The following DDX28 variants were observed in gnomAD, a reference collection of about 807,000 sequenced individuals.
DDX28 encodes the protein DEAD-box helicase 28.
Under a neutral mutation model 26.8 loss-of-function variants are expected in DDX28, and 25 were observed. The observed-to-expected ratio is 0.93, with a 90% confidence interval of 0.68 to 1.30. The LOEUF is 1.30. Among genes scored for constraint, DDX28 ranks in the 50% most tolerant of loss-of-function variants. The pLI is 0.00. For synonymous variants in DDX28, 370 were observed against 311.9 expected (o/e 1.19, Z -1.96); for missense variants, 790 against 695.1 (o/e 1.14, Z -1.53).
chr16:68,021,921 G>A lies in DDX28; in HGVS notation c.1282C>T (p.Gln428Ter), dbSNP rs1200616090. The A allele has an allele frequency of 1.2e-6, 2 of 1,614,194 alleles. No individual in the cohort carries two copies. Among genetic ancestry groups the A allele is most frequent in the South Asian group, 1.1e-5 (1 of 91,084 alleles). The change falls in exon 1 of 1, where the codon CAG becomes TAG. Residue 428 changes from glutamine to a stop codon, truncating the protein, a stop_gained. Transcript: ENST00000332395. LOFTEE classifies it high-confidence loss of function. ...CTCATCAAGGCTGGCATTTGCCCCT[G>A]CAACCTTAGGTGTTGGATTTTGTGG... The part of the protein sequence containing the change: ...DDHKIQHLRL[Q>*]GQMPALMRVG...
rs1018248726 is a variant in DDX28, at chr16:68,021,182, C to G, written c.*398G>C. The G allele has an allele frequency of 1.0e-5, 2 of 190,876 alleles. No homozygotes were observed. Among genetic ancestry groups the G allele is most frequent in the East Asian group, 1.5e-4 (1 of 6,690 alleles). 11.8% of individuals were successfully genotyped at this position (190,876 alleles called of 1,614,324 possible). A position where few individuals can be genotyped will look rare whatever the true frequency, so the allele number is the denominator to read the frequency against. On this transcript the variant is annotated 3_prime_UTR_variant, in exon 1 of 1. Transcript: ENST00000332395. ...GATACCTTTTTGGGGGCAGGAAATA[C>G]AAACTAAATGTTTATAAATGAAAAC... is the stretch of plus-strand genomic sequence containing the variant.
chr16:68,022,797 G>A lies in DDX28; in HGVS notation c.406C>T (p.Arg136Cys), dbSNP rs1462110244. The change falls in exon 1 of 1, where the codon CGT becomes TGT. Residue 136 changes from arginine (R) to cysteine (C), a missense_variant. Arg to Cys is a radical substitution (Grantham distance 180). Coordinates refer to ENST00000332395, the MANE Select transcript of DDX28 (RefSeq NM_018380.4). ...GSFADLGLEP[R>C]VLHALQEAAP... is the part of the protein sequence containing the mutation. Reference sequence around the variant, plus strand: ...GCCTCCTGTAGTGCGTGCAGCACACGGGGCTCCAGGCCCAGGTCAGCAAAG... The same window carrying A: ...GCCTCCTGTAGTGCGTGCAGCACACAGGGCTCCAGGCCCAGGTCAGCAAAG... 3.1e-6 allele frequency: 5 copies of A among 1,591,366 alleles called. No individual in the cohort carries two copies. The highest frequency in any genetic ancestry group is 4.3e-6 in the Non-Finnish European group (5 of 1,168,208).
In DDX28 at chr16:68,023,159, C is replaced by G. The variant is rs1295685813; in HGVS notation, c.44G>C (p.Arg15Pro). The change falls in exon 1 of 1, where the codon CGG becomes CCG. Residue 15 changes from arginine to proline, a missense_variant. By Grantham distance (103) the Arg-to-Pro change is moderately radical. Coordinates refer to ENST00000332395, the MANE Select transcript of DDX28 (RefSeq NM_018380.4). ...RPVRLFSLVTRLLLAPRRGLT... is the reference protein window; with the variant it reads ...RPVRLFSLVTPLLLAPRRGLT... ...GCCCCGTCGCGGCGCCAGGAGCAAC[C>G]GAGTCACGAGGGAAAAGAGCCGCAC... The G allele has an allele frequency of 6.2e-7, 1 of 1,608,390 alleles. No individual in the cohort carries two copies. Among genetic ancestry groups the G allele is most frequent in the Non-Finnish European group, 8.5e-7 (1 of 1,179,728 alleles).
rs1256525915 is a variant in DDX28 at position 68,022,590 on chromosome 16, G to C, written c.613C>G (p.Arg205Gly). ...CGGGAAGGAACAAGGACCAGGCCTC[G>C]GGGCGCGGGGATAGGAAGGGAGTCC... is the stretch of plus-strand genomic sequence containing the variant. Reference protein sequence around the residue: ...SLDSLPIPAPRGLVLVPSREL... With the variant: ...SLDSLPIPAPGGLVLVPSREL... Residue 205 changes from arginine (R) to glycine (G), a missense_variant, in exon 1 of 1, where the codon CGA becomes GGA. Coordinates refer to ENST00000332395, the MANE Select transcript of DDX28 (RefSeq NM_018380.4). The C allele has an allele frequency of 6.2e-7, 1 of 1,613,808 alleles. No individual in the cohort carries two copies. The highest frequency in any genetic ancestry group is 2.2e-5 in the East Asian group (1 of 44,888).
chr16:68,022,306 C>G lies in DDX28; in HGVS notation c.897G>C (p.Leu299=). ...GGCTCTTCTCTAAGATGTAGTCCAC[C>G]AGTTCCAGGAAGCTTTCATCCAGCA... ...DTLLDESFLE[L]VDYILEKSHI... is the part of the protein sequence containing the mutation. Residue 299 remains leucine, a synonymous_variant, in exon 1 of 1, where the codon CTG becomes CTC. Transcript: ENST00000332395. 1 of 1,614,226 alleles carries G rather than the reference C, an allele frequency of 6.2e-7. No homozygotes were observed. The highest frequency in any genetic ancestry group is 1.3e-5 in the African/African-American group (1 of 75,072).
At position 68,022,079 on chromosome 16, in the gene DDX28, G is replaced by T; in HGVS notation, c.1124C>A (p.Ala375Glu). 6.2e-7 allele frequency: 1 copy of T among 1,614,182 alleles called. No individual in the cohort carries two copies. The highest frequency in any genetic ancestry group is 8.5e-7 in the Non-Finnish European group (1 of 1,180,026). ...VKQTFLRLKG[A>E]DKVAELVHIL... is the part of the protein sequence containing the mutation. Reference sequence around the variant, plus strand: ...GTGCACCAGCTCGGCCACCTTATCTGCTCCCTTCAGTCTCAGAAATGTCTG... The same window carrying T: ...GTGCACCAGCTCGGCCACCTTATCTTCTCCCTTCAGTCTCAGAAATGTCTG... Residue 375 changes from alanine (A) to glutamate (E), a missense_variant, in exon 1 of 1, where the codon GCA becomes GAA. Physicochemically the swap from Ala to Glu is moderately radical, Grantham distance 107. Coordinates refer to ENST00000332395, the MANE Select transcript of DDX28 (RefSeq NM_018380.4).
At position 68,021,773 on chromosome 16, in the gene DDX28, G is replaced by A. The variant is rs373547062; in HGVS notation, c.1430C>T (p.Thr477Met). The A allele has an allele frequency of 1.2e-6, 2 of 1,614,158 alleles. No individual in the cohort carries two copies. Among genetic ancestry groups the A allele is most frequent in the Non-Finnish European group, 1.7e-6 (2 of 1,180,040 alleles). ...TGCTCTGTGGATGTAATCTTGCAGC[G>A]TTGGGGGGAAATCATAATTGACAAC... ...ELVVNYDFPP[T>M]LQDYIHRAGR... The change falls in exon 1 of 1, where the codon ACG becomes ATG. Residue 477 changes from threonine to methionine, a missense_variant. Transcript: ENST00000332395.
At position 68,021,693 on chromosome 16, in the gene DDX28, T is replaced by C. The variant is rs1211326743; in HGVS notation, c.1510A>G (p.Thr504Ala). 6.2e-7 allele frequency: 1 copy of C among 1,614,058 alleles called. No individual in the cohort carries two copies. Among genetic ancestry groups the C allele is most frequent in the Non-Finnish European group, 8.5e-7 (1 of 1,180,018 alleles). ...ACCAGGCTCACATCCCAGGGATGGG[T>C]CACAAAACTGATGACGGTGCCTGGC... ...EVPGTVISFV[T>A]HPWDVSLVQK... is the part of the protein sequence containing the mutation. The change falls in exon 1 of 1, where the codon ACC (threonine) becomes GCC (alanine). Residue 504 changes from threonine (T) to alanine (A), a missense_variant. By Grantham distance (58) the Thr-to-Ala change is moderately conservative. Transcript: ENST00000332395.
Position 68,022,280 on chromosome 16 carries a change from T to G in DDX28, c.923A>C (p.His308Pro). The G allele has an allele frequency of 6.2e-7, 1 of 1,614,238 alleles. No individual in the cohort carries two copies. Among genetic ancestry groups the G allele is most frequent in the Non-Finnish European group, 8.5e-7 (1 of 1,180,026 alleles). ...CAAGTCAGCTGGGCCTTCTGCTATG[T>G]GGCTCTTCTCTAAGATGTAGTCCAC... is the stretch of plus-strand genomic sequence containing the variant. ...ELVDYILEKSHIAEGPADLED... is the reference protein window; with the variant it reads ...ELVDYILEKSPIAEGPADLED... The change falls in exon 1 of 1, where the codon CAC becomes CCC. Residue 308 changes from histidine (H) to proline (P), a missense_variant. His to Pro is a moderately conservative substitution (Grantham distance 77, BLOSUM62 -2). Transcript: ENST00000332395.
Position 68,022,387 on chromosome 16 carries a change from A to G in DDX28, c.816T>C (p.Ser272=). ...AGAGTTGCTCCAGACTGATCAGTCG[A>G]CTTTTCAGGGCCTTCCACAGAGCCC... ...TPGALWKALK[S]RLISLEQLSF... The change falls in exon 1 of 1, where the codon AGT becomes AGC. Residue 272 remains serine (S), a synonymous_variant. Transcript: ENST00000332395. The G allele has an allele frequency of 6.2e-7, 1 of 1,614,164 alleles. No homozygotes were observed. The highest frequency in any genetic ancestry group is 2.2e-5 in the East Asian group (1 of 44,880).
Position 68,022,030 on chromosome 16 carries a change from T to C in DDX28, c.1173A>G (p.Ala391=). The change falls in exon 1 of 1, where the codon GCA becomes GCG. Residue 391 remains alanine (A), a synonymous_variant. Transcript: ENST00000332395. ...LVHILKHRDR[A]ERTGPSGTVL... ...CAGTTCCTGAGGGACCAGTCCTTTC[T>C]GCTCTGTCACGATGCTTGAGGATGT... 1.2e-6 allele frequency: 2 copies of C among 1,614,232 alleles called. No individual in the cohort carries two copies. Among genetic ancestry groups the C allele is most frequent in the Non-Finnish European group, 1.7e-6 (2 of 1,180,038 alleles).
At position 68,021,582 on chromosome 16, in the gene DDX28, A is replaced by C. The variant is rs1466178030; in HGVS notation, c.1621T>G (p.Ter541GlyextTer2). The change falls in exon 1 of 1, where the codon TGA (stop) becomes GGA (glycine). Residue 541 changes from the stop codon to glycine (G), a stop_lost. Coordinates refer to ENST00000332395, the MANE Select transcript of DDX28 (RefSeq NM_018380.4). Reference sequence around the variant, plus strand: ...CATTTTAATCAGATTTGTCAAAATCAGGTTGCTTGGGGCAAAGGCTCTTTC... The same window carrying C: ...CATTTTAATCAGATTTGTCAAAATCCGGTTGCTTGGGGCAAAGGCTCTTTC... The part of the protein sequence containing the change: ...SVKEPLPQAT[*>G] 6.2e-7 allele frequency: 1 copy of C among 1,611,558 alleles called. No individual in the cohort carries two copies. Among genetic ancestry groups the C allele is most frequent in the Non-Finnish European group, 8.5e-7 (1 of 1,178,226 alleles).
chr16:68,023,032 CG>C lies in DDX28; in HGVS notation c.170del (p.Pro57ArgfsTer20), dbSNP rs780368968. The C allele has an allele frequency of 3.8e-6, 6 of 1,589,314 alleles. No individual in the cohort carries two copies. The highest frequency in any genetic ancestry group is 5.1e-6 in the Non-Finnish European group (6 of 1,175,604). ...EQRQSRRRNL[P>X]RPVLVRPGPL... ...GTCCGGGTCGAACCAGCACCGGCCT[CG>C]GGAGGTTCCGCCGCCTGCTCTGCCG... is the stretch of plus-strand genomic sequence containing the variant. On this transcript the variant is annotated frameshift_variant, in exon 1 of 1. Coordinates refer to ENST00000332395, the MANE Select transcript of DDX28 (RefSeq NM_018380.4). LOFTEE classifies it low-confidence loss of function (END_TRUNC).
In DDX28 at chr16:68,021,407, T is replaced by G. The variant is rs968494476; in HGVS notation, c.*173A>C. The G allele has an allele frequency of 2.9e-5, 19 of 655,336 alleles. No homozygotes were observed. The highest frequency in any genetic ancestry group is 4.6e-5 in the Non-Finnish European group (18 of 388,730). The allele number at this position is 655,336 out of a possible 1,614,324, so 40.6% of individuals were successfully genotyped here. On this transcript the variant is annotated 3_prime_UTR_variant, in exon 1 of 1. Coordinates refer to ENST00000332395, the MANE Select transcript of DDX28 (RefSeq NM_018380.4). ...CTACAGAAAGCCATGCTCAGCAGCT[T>G]CTTCTCCAATGCTGGCCAGCAGCGT...
rs1219752535 is a variant in DDX28 at position 68,022,363 on chromosome 16, G to T, written c.840C>A (p.Leu280=). The change falls in exon 1 of 1, where the codon CTC becomes CTA. Residue 280 remains leucine, a synonymous_variant. Transcript: ENST00000332395. ...CTGCCTCATCCAACACCAAGAAGGA[G>T]AGTTGCTCCAGACTGATCAGTCGAC... ...LKSRLISLEQ[L]SFLVLDEADT... 7 of 1,614,204 alleles carry T rather than the reference G, an allele frequency of 4.3e-6. No individual in the cohort carries two copies. Among genetic ancestry groups the T allele is most frequent in the Non-Finnish European group, 5.9e-6 (7 of 1,180,040 alleles).
At position 68,022,888 on chromosome 16, in the gene DDX28, G is replaced by C. The variant is rs754051880; in HGVS notation, c.315C>G (p.Asp105Glu). The change falls in exon 1 of 1, where the codon GAC becomes GAG. Residue 105 changes from aspartate (D) to glutamate (E), a missense_variant. Coordinates refer to ENST00000332395, the MANE Select transcript of DDX28 (RefSeq NM_018380.4). ...GTTGCGCGCGCTCGATGGAGAAGTGGTCCCGACGCGCGCGTCGACTCTTCC... is the reference window on the plus strand; with the variant it reads ...GTTGCGCGCGCTCGATGGAGAAGTGCTCCCGACGCGCGCGTCGACTCTTCC... ...QGWKSRRARR[D>E]HFSIERAQQE... is the part of the protein sequence containing the mutation. 1 of 1,568,416 alleles carries C rather than the reference G, an allele frequency of 6.4e-7. No homozygotes were observed. Among genetic ancestry groups the C allele is most frequent in the Non-Finnish European group, 8.6e-7 (1 of 1,158,116 alleles).
Position 68,022,964 on chromosome 16 carries a change from G to C in DDX28, c.239C>G (p.Ala80Gly). 6.5e-7 allele frequency: 1 copy of C among 1,548,932 alleles called. No homozygotes were observed. The highest frequency in any genetic ancestry group is 1.2e-5 in the South Asian group (1 of 86,380). Residue 80 changes from alanine to glycine, a missense_variant, in exon 1 of 1, where the codon GCG (alanine) becomes GGG (glycine). By Grantham distance (60) the Ala-to-Gly change is moderately conservative. Coordinates refer to ENST00000332395, the MANE Select transcript of DDX28 (RefSeq NM_018380.4). Reference sequence around the variant, plus strand: ...CTCCCAACGGCCCAGTGTGAGGCGCGCCGGCTGGTTCAACTCCGGCCGCCG... The same window carrying C: ...CTCCCAACGGCCCAGTGTGAGGCGCCCCGGCTGGTTCAACTCCGGCCGCCG... ...SARRPELNQP[A>G]RLTLGRWERA...
In DDX28 at chr16:68,022,876, G is replaced by C; in HGVS notation, c.327C>G (p.Ile109Met). 6.4e-7 allele frequency: 1 copy of C among 1,571,042 alleles called. No individual in the cohort carries two copies. ...SRRARRDHFS[I>M]ERAQQEAPAV... ...CTGGCGCCTCCTGTTGCGCGCGCTC[G>C]ATGGAGAAGTGGTCCCGACGCGCGC... The change falls in exon 1 of 1, where the codon ATC (isoleucine) becomes ATG (methionine). Residue 109 changes from isoleucine (I) to methionine (M), a missense_variant. Ile to Met is a conservative substitution (Grantham distance 10). Transcript: ENST00000332395.
chr16:68,022,342 C>G lies in DDX28; in HGVS notation c.861G>C (p.Glu287Asp). 6.2e-7 allele frequency: 1 copy of G among 1,614,232 alleles called. No individual in the cohort carries two copies. Among genetic ancestry groups the G allele is most frequent in the Non-Finnish European group, 8.5e-7 (1 of 1,180,030 alleles). ...AGCTTTCATCCAGCAGTGTGTCTGCCTCATCCAACACCAAGAAGGAGAGTT... is the reference window on the plus strand; with the variant it reads ...AGCTTTCATCCAGCAGTGTGTCTGCGTCATCCAACACCAAGAAGGAGAGTT... ...LEQLSFLVLD[E>D]ADTLLDESFL... The change falls in exon 1 of 1, where the codon GAG (glutamate) becomes GAC (aspartate). Residue 287 changes from glutamate to aspartate, a missense_variant. Transcript: ENST00000332395.
Sources: allele counts gnomAD v4.1 joint callset, GRCh38; gene constraint gnomAD v4.1.1; transcripts MANE v1.5; gene names NCBI Gene and HGNC (gene_info 2026-07-23, HGNC 2026-07-21).